SLC25A21: variants seen among roughly 807,000 people sequenced by gnomAD.
SLC25A21 encodes the protein solute carrier family 25 member 21, also known as mitochondrial 2-oxodicarboxylate carrier.
SLC25A21 carries 47 observed loss-of-function variants against 43.8 expected under a neutral mutation model. The observed-to-expected ratio is 1.07, with a 90% CI of 0.85 to 1.37. The LOEUF (loss-of-function observed/expected upper bound fraction) is 1.37. Ranked by LOEUF, SLC25A21 falls within the 40% of genes most tolerant of loss-of-function variation. The pLI is 0.00. For synonymous variants in SLC25A21, 131 were observed against 121.3 expected, an observed-to-expected ratio of 1.08 and a Z score of -0.52; for missense variants, 352 against 350.2, an observed-to-expected ratio of 1.00 and a Z score of -0.04.
intron 3 of SLC25A21, among the ~76,000 whole-genome samples, chr14:36,803,681 C>G (rs994946313): frequency 6.6e-6 from 1 of 152,178 alleles, no homozygotes; most frequent in Admixed American, 6.5e-5. Flanking sequence ...ACACAATGAG[C>G]TGTTTATCAG....
chr14:36,712,491 A>C (rs1426357119), intron 6 of SLC25A21, among the ~76,000 whole-genome samples: 1 of 152,214 alleles, frequency 6.6e-6, no homozygotes, highest in African/African-American at 2.4e-5. Context: ...AATTAAGGCT[A>C]CATCAGCAGA....
chr14:36,985,765 T>G (rs1960133056), intron 1 of SLC25A21, among the ~76,000 whole-genome samples: 1 of 152,330 alleles, frequency 6.6e-6, no homozygotes, highest in East Asian at 1.9e-4. Flanking sequence ...GTCAGCATTC[T>G]TATGTAAAAA....
intron 1 of SLC25A21, among the ~76,000 whole-genome samples, chr14:37,113,246 CT>C (rs1255633434): frequency 6.6e-6 from 1 of 152,114 alleles, no homozygotes; most frequent in Non-Finnish European, 1.5e-5. Context: ...AAAAAAACAC[CT>C]TTTTTCCTAT....
At chr14:36,800,121 T>C (rs1235356383) in intron 3 of SLC25A21, among the ~76,000 whole-genome samples, 3 of 152,194 alleles carry the variant, frequency 2.0e-5, no homozygotes, top group Non-Finnish European at 4.4e-5. Flanking sequence ...AAATTTTCCA[T>C]CTTCTAGTTT....
chr14:37,170,802 T>A (rs1964111209), intron 1 of SLC25A21, among the ~76,000 whole-genome samples: 1 of 150,962 alleles, frequency 6.6e-6, no homozygotes, highest in South Asian at 2.1e-4. Context: ...CCCAAAAAAC[T>A]AGCCGGGCAT....
At chr14:36,744,213 A>G (rs955397127) in intron 3 of SLC25A21, among the ~76,000 whole-genome samples, 7 of 152,190 alleles carry the variant, frequency 4.6e-5, no homozygotes, top group Admixed American at 2.0e-4. Context: ...GAACCAAAAA[A>G]GAGCCTAAAT....
rs1303589595 is a variant in SLC25A21, at chr14:36,954,623, T to C, written c.71-79619A>G. Among the ~76,000 whole-genome samples, 6 of 152,232 alleles carry C rather than the reference T, an allele frequency of 3.9e-5. No homozygotes were observed. The South Asian group carries it at 8.3e-4, about 21-fold the overall frequency. On this transcript the variant is annotated intron_variant, in intron 1 of 9. Coordinates refer to ENST00000331299, the MANE Select transcript of SLC25A21 (RefSeq NM_030631.4). ...GATCTATTGTTCAGCATGGTAACTA[T>C]AGTAAATAACAATGTATTGTATTTT...
intron 6 of SLC25A21, among the ~76,000 whole-genome samples, chr14:36,717,671 C>G (rs930762133): frequency 6.6e-5 from 10 of 152,226 alleles, no homozygotes; most frequent in Non-Finnish European, 8.8e-5. Context: ...GGTGTTGCTT[C>G]TTCATGGTCT....
intron 3 of SLC25A21, among the ~76,000 whole-genome samples, chr14:36,760,331 A>AGAAG (rs57996006): frequency 0.16 from 22,044 of 136,406 alleles, 1,886 homozygotes; most frequent in South Asian, 0.2. Context: ...GCAGCTAGGC[A>AGAAG]GAAGGAAGGA....
At chr14:36,931,630 G>A (rs558729410) in intron 1 of SLC25A21, among the ~76,000 whole-genome samples, 2 of 152,226 alleles carry the variant, frequency 1.3e-5, no homozygotes, top group South Asian at 4.1e-4. Flanking sequence ...AACATTATTG[G>A]GGTTACGTGT....
intron 1 of SLC25A21, among the ~76,000 whole-genome samples, chr14:36,948,847 T>C (rs1225344819): frequency 1.6e-4 from 24 of 152,274 alleles, no homozygotes. Context: ...TTAAATAAAA[T>C]GTATTACTAA....
intron 1 of SLC25A21, among the ~76,000 whole-genome samples, chr14:36,888,927 C>T (rs1165938625): frequency 6.6e-6 from 1 of 152,184 alleles, no homozygotes; most frequent in East Asian, 1.9e-4. Flanking sequence ...GACTTCTGAC[C>T]ATTAGCTTTC....
At chr14:36,752,031 A>G (rs1293041365) in intron 3 of SLC25A21, among the ~76,000 whole-genome samples, 1 of 152,218 alleles carries the variant, frequency 6.6e-6, no homozygotes, top group Non-Finnish European at 1.5e-5. Context: ...CTAGGGATAG[A>G]GCAGTGAACA....
At chr14:37,000,508 C>A (rs1391711205) in intron 1 of SLC25A21, among the ~76,000 whole-genome samples, 1 of 152,140 alleles carries the variant, frequency 6.6e-6, no homozygotes, top group Non-Finnish European at 1.5e-5. Context: ...TCTGATACAT[C>A]CATTGCCACC....
chr14:37,019,660 A>T (rs542020342), intron 1 of SLC25A21, among the ~76,000 whole-genome samples: 1 of 151,940 alleles, frequency 6.6e-6, no homozygotes, highest in East Asian at 1.9e-4. Flanking sequence ...GGTAAAAAAA[A>T]ATTAAAAAAG....
chr14:37,060,366 G>C (rs1187809688), intron 1 of SLC25A21, among the ~76,000 whole-genome samples: 5 of 144,144 alleles, frequency 3.5e-5, no homozygotes, highest in Non-Finnish European at 7.5e-5. Flanking sequence ...AAATGACTAA[G>C]GCACTCTACT....
intron 2 of SLC25A21, among the ~76,000 whole-genome samples, chr14:36,865,993 G>T (rs1890203358): frequency 6.6e-6 from 1 of 152,126 alleles, no homozygotes; most frequent in Non-Finnish European, 1.5e-5. Flanking sequence ...GACAGCCAAA[G>T]TATGCATTGG....
chr14:37,020,341 G>A (rs753479334), intron 1 of SLC25A21, among the ~76,000 whole-genome samples: 1 of 151,600 alleles, frequency 6.6e-6, no homozygotes, highest in Non-Finnish European at 1.5e-5. Flanking sequence ...TAAGTCATTA[G>A]ATTGAGAAGC....
chr14:36,971,412 T>G (rs1183734312), intron 1 of SLC25A21, among the ~76,000 whole-genome samples: 1 of 152,098 alleles, frequency 6.6e-6, no homozygotes, highest in Non-Finnish European at 1.5e-5. Flanking sequence ...ATGTGTACAG[T>G]AGGGAGCAGA....
Sources: gnomAD v4.1 joint callset for allele counts (sites outside exome capture counted in the v4.1 genomes callset) on GRCh38, gnomAD v4.1.1 for gene constraint, MANE v1.5 for transcripts, NCBI Gene and HGNC (gene_info 2026-07-23, HGNC 2026-07-21) for gene names.